NXPE2: variants seen among roughly 807,000 people sequenced by gnomAD.
NXPE2 encodes the protein neurexophilin and PC-esterase domain family member 2.
NXPE2 carries 34 observed loss-of-function variants against 34.4 expected under a neutral mutation model. The observed-to-expected ratio is 0.99, with a 90% CI of 0.75 to 1.31. The LOEUF (loss-of-function observed/expected upper bound fraction) is 1.31. Among genes scored for constraint, NXPE2 ranks in the 40% most tolerant of loss-of-function variants. The pLI is 0.00. For missense variants in NXPE2, 649 were observed against 672.5 expected, an observed-to-expected ratio of 0.97 and a Z score of 0.39; for synonymous variants, 235 against 231.3, an observed-to-expected ratio of 1.02 and a Z score of -0.15.
At chr11:114,611,565 T>C in the NXPE2 span, among the ~76,000 whole-genome samples, 1 of 151,892 alleles carries the variant, frequency 6.6e-6, no homozygotes, top group Non-Finnish European at 1.5e-5. Context: ...GTAACCAGTA[T>C]TACCTGCTGG....
chr11:114,691,060 T>C (rs1951139680), intron 2 of NXPE2, among the ~76,000 whole-genome samples: 2 of 152,148 alleles, frequency 1.3e-5, no homozygotes, highest in Admixed American at 6.5e-5. Flanking sequence ...CATTCTGAAT[T>C]CTACACCTGT....
chr11:114,781,709 G>A, the NXPE2 span, among the ~76,000 whole-genome samples: 1,006 of 152,308 alleles, frequency 6.6e-3, 8 homozygotes, highest in African/African-American at 0.023. Flanking sequence ...GGTAGTGGAA[G>A]TCTGTAGGGT....
At chr11:114,801,554 C>G in the NXPE2 span, among the ~76,000 whole-genome samples, 2 of 152,164 alleles carry the variant, frequency 1.3e-5, no homozygotes, top group African/African-American at 2.4e-5. Context: ...CATTCAGATT[C>G]TTAAAAGAGT....
At chr11:114,632,698 T>A in the NXPE2 span, among the ~76,000 whole-genome samples, 2 of 71,244 alleles carry the variant, frequency 2.8e-5, no homozygotes, top group Non-Finnish European at 4.9e-5. Context: ...ATTTATATAT[T>A]TATATAATAT....
intron 2 of NXPE2, among the ~76,000 whole-genome samples, chr11:114,680,325 A>G (rs1474575775): frequency 6.6e-6 from 1 of 152,124 alleles, no homozygotes; most frequent in Admixed American, 6.6e-5. Context: ...TTGTTTAGCC[A>G]TTCGAGGCCC....
chr11:114,662,264 T>C, the NXPE2 span, among the ~76,000 whole-genome samples: 1 of 152,048 alleles, frequency 6.6e-6, no homozygotes, highest in Non-Finnish European at 1.5e-5. Context: ...TGTGAGGCCT[T>C]GAACTCAGTG....
At chr11:114,571,138 C>T in the NXPE2 span, 8 of 1,613,834 alleles carry the variant, frequency 5.0e-6, no homozygotes, top group Non-Finnish European at 5.9e-6. Flanking sequence ...TTGTACATCT[C>T]CCTGATGTTT....
chr11:114,738,556 C>A, the NXPE2 span, among the ~76,000 whole-genome samples: 5 of 152,208 alleles, frequency 3.3e-5, no homozygotes, highest in Non-Finnish European at 5.9e-5. Flanking sequence ...AGGCCTGGAG[C>A]TTTCCTTTCT....
chr11:114,652,675 A>C, the NXPE2 span, among the ~76,000 whole-genome samples: 1 of 152,208 alleles, frequency 6.6e-6, no homozygotes, highest in African/African-American at 2.4e-5. Context: ...AAGAAGAGGT[A>C]ATTGAAGCAA....
At chr11:114,671,822 C>T in the NXPE2 span, among the ~76,000 whole-genome samples, 3 of 151,924 alleles carry the variant, frequency 2.0e-5, no homozygotes, top group Non-Finnish European at 4.4e-5. Flanking sequence ...AAACAAGTGA[C>T]CACGGACAGT....
At chr11:114,493,214 A>T in the NXPE2 span, among the ~76,000 whole-genome samples, 1 of 152,072 alleles carries the variant, frequency 6.6e-6, no homozygotes, top group Non-Finnish European at 1.5e-5. Context: ...TCTTATGGTG[A>T]AGTATGTTTC....
At chr11:114,631,579 C>T in the NXPE2 span, among the ~76,000 whole-genome samples, 9 of 151,402 alleles carry the variant, frequency 5.9e-5, no homozygotes, top group Admixed American at 1.3e-4. Context: ...GGTTAGATGA[C>T]GAGTTAGTGG....
chr11:114,529,880 G>A, the NXPE2 span: 2 of 313,552 alleles, frequency 6.4e-6, no homozygotes, highest in Admixed American at 4.5e-5. Flanking sequence ...TATGATATGG[G>A]AGGTGAAGGA....
At chr11:114,578,121 G>A in the NXPE2 span, among the ~76,000 whole-genome samples, 5 of 152,172 alleles carry the variant, frequency 3.3e-5, no homozygotes, top group Non-Finnish European at 7.3e-5. Context: ...TTCAGAGGAG[G>A]ATTATTGATG....
chr11:114,781,461 T>C, the NXPE2 span, among the ~76,000 whole-genome samples: 1 of 152,176 alleles, frequency 6.6e-6, no homozygotes, highest in East Asian at 1.9e-4. Context: ...GGGATGGGAT[T>C]AATCTGGGAA....
chr11:114,602,639 A>G, the NXPE2 span, among the ~76,000 whole-genome samples: 1 of 141,684 alleles, frequency 7.1e-6, no homozygotes, highest in African/African-American at 2.5e-5. Context: ...ATAGATTCAT[A>G]TATAATAATT....
chr11:114,592,272 C>T, the NXPE2 span, among the ~76,000 whole-genome samples: 827 of 152,206 alleles, frequency 5.4e-3, 3 homozygotes, highest in African/African-American at 0.019. Context: ...ATTTAGAACA[C>T]TCCATAGACT....
At chr11:114,485,902 GA>G in the NXPE2 span, among the ~76,000 whole-genome samples, 2 of 152,028 alleles carry the variant, frequency 1.3e-5, no homozygotes, top group African/African-American at 2.4e-5. Context: ...TTCATCTGTC[GA>G]TGGACACTTA....
the NXPE2 span, among the ~76,000 whole-genome samples, chr11:114,776,595 G>A: frequency 5.1e-4 from 77 of 152,324 alleles, no homozygotes; most frequent in Admixed American, 2.0e-3. Context: ...AGAAGCCTTC[G>A]TGCTGGGAGC....
Sources: allele counts gnomAD v4.1 joint callset (sites outside exome capture counted in the v4.1 genomes callset), GRCh38; gene constraint gnomAD v4.1.1; transcripts MANE v1.5; gene names NCBI Gene and HGNC (gene_info 2026-07-23, HGNC 2026-07-21).